The following NETO2 variants were observed in gnomAD, a reference collection of about 807,000 sequenced individuals.
NETO2 encodes the protein neuropilin and tolloid-like protein 2.
In NETO2, 28 loss-of-function variants were observed where a neutral mutation model predicts 62.5. The ratio of observed to expected loss-of-function variants is 0.45; its 90% CI spans 0.33 to 0.61. The LOEUF (loss-of-function observed/expected upper bound fraction) is 0.61, where lower values mean the gene tolerates loss of function less well. Among genes scored for constraint, NETO2 ranks in the 20% least tolerant of loss-of-function variants. NETO2 has a pLI of 0.02. For missense variants in NETO2, 548 were observed against 643.2 expected (o/e 0.85, Z 1.60); for synonymous variants, 214 against 219.1 (o/e 0.98, Z 0.21).
At chr16:47,132,091 A>C (rs1964277687) in intron 1 of NETO2, 66 bp from the exon 2 acceptor site, 3 of 1,210,282 alleles carry the variant, frequency 2.5e-6, no homozygotes, top group Non-Finnish European at 3.6e-6. Flanking sequence ...TAAGTCAATA[A>C]ATAAAATTGG....
At chr16:47,108,220 G>A (rs966399251) in intron 7 of NETO2, among the ~76,000 whole-genome samples, 4 of 152,056 alleles carry the variant, frequency 2.6e-5, no homozygotes, top group Non-Finnish European at 5.9e-5. Flanking sequence ...GTATACAGAA[G>A]GTATGATGGA....
chr16:47,089,838 T>C (rs1250895569), intron 7 of NETO2, among the ~76,000 whole-genome samples: 1 of 152,210 alleles, frequency 6.6e-6, no homozygotes, highest in Non-Finnish European at 1.5e-5. Flanking sequence ...GAGAAACATA[T>C]AGCATTTTTG....
intron 7 of NETO2, among the ~76,000 whole-genome samples, chr16:47,101,299 G>A (rs1250312814): frequency 6.6e-6 from 1 of 151,942 alleles, no homozygotes; most frequent in Non-Finnish European, 1.5e-5. Context: ...ATAATTAGAG[G>A]GATTTATGAC....
chr16:47,127,826 G>A (rs759325406), intron 4 of NETO2, among the ~76,000 whole-genome samples: 9 of 152,192 alleles, frequency 5.9e-5, no homozygotes, highest in Non-Finnish European at 1.0e-4. Flanking sequence ...TCGTCTTACA[G>A]CTATTAGGAG....
chr16:47,129,932 G>A (rs1245991753), intron 2 of NETO2, among the ~76,000 whole-genome samples: 1 of 152,188 alleles, frequency 6.6e-6, no homozygotes, highest in African/African-American at 2.4e-5. Flanking sequence ...GGGGTTGGGG[G>A]TGGTGAGTGA....
At chr16:47,112,461 AG>A (rs1306218013) in intron 6 of NETO2, among the ~76,000 whole-genome samples, 1 of 151,900 alleles carries the variant, frequency 6.6e-6, no homozygotes, top group Non-Finnish European at 1.5e-5. Flanking sequence ...CCAATTCAAG[AG>A]ATTCTTGTGC....
chr16:47,129,193 A>G lies in NETO2; in HGVS notation c.232+31T>C, dbSNP rs745654084. The G allele has an allele frequency of 3.1e-6, 5 of 1,604,312 alleles. 1 individual carries two copies. The South Asian group carries it at 5.5e-5, about 18-fold the overall frequency. On this transcript the variant is annotated intron_variant, in intron 3 of 8. Coordinates refer to ENST00000562435, the MANE Select transcript of NETO2 (RefSeq NM_018092.5). The stretch of plus-strand genomic sequence containing the variant: ...TATTTAGTTTTACAATAAAGTAAAA[A>G]TTCATCCAATAAAAGAAATCGTTCA...
chr16:47,080,988 A>G lies in NETO2; in HGVS notation c.*2233T>C, dbSNP rs879508364. 1.4e-5 allele frequency: 2 copies of G among 146,872 alleles called. No individual in the cohort carries two copies. The highest frequency in any genetic ancestry group is 2.9e-5 in the Non-Finnish European group (2 of 67,884). The allele number at this position is 146,872 out of a possible 1,614,324, so 9.1% of individuals were successfully genotyped here. ...TGTTACTTGCTACATTGACTCGTAT[A>G]AAACTGTGTACTTCTATTTTACTGT... On this transcript the variant is annotated 3_prime_UTR_variant, in exon 9 of 9. Coordinates refer to ENST00000562435, the MANE Select transcript of NETO2 (RefSeq NM_018092.5).
At chr16:47,143,038 T>C (rs1475585945) in intron 1 of NETO2, among the ~76,000 whole-genome samples, 4 of 151,920 alleles carry the variant, frequency 2.6e-5, no homozygotes, top group African/African-American at 9.6e-5. Flanking sequence ...GCAGCCTCCG[T>C]GGCCGCAGCA....
Position 47,099,867 on chromosome 16 carries a change from C to T in NETO2, c.883+9616G>A, listed in dbSNP as rs1047745717. ...ACTCCCACACAATAATAGTGAAAGA[C>T]TTTAACAACTCATTGTCAATATTAG... is the stretch of plus-strand genomic sequence containing the variant. On this transcript the variant is annotated intron_variant, in intron 7 of 8. Coordinates refer to ENST00000562435, the MANE Select transcript of NETO2 (RefSeq NM_018092.5). 7.9e-5 allele frequency among the ~76,000 whole-genome samples: 12 copies of T among 152,244 alleles called. No homozygotes were observed. The East Asian group carries it at 2.3e-3, about 29-fold the overall frequency.
chr16:47,090,713 A>G (rs1963294170), intron 7 of NETO2, among the ~76,000 whole-genome samples: 1 of 152,212 alleles, frequency 6.6e-6, no homozygotes, highest in African/African-American at 2.4e-5. Flanking sequence ...TATTCTAACA[A>G]AAATATCTGC....
Position 47,082,935 on chromosome 16 carries a change from C to T in NETO2, c.*286G>A, listed in dbSNP as rs11554121. On this transcript the variant is annotated 3_prime_UTR_variant, in exon 9 of 9. Transcript: ENST00000562435. ...CGAAGAGGCAGCCTGAGCCTGGCTC[C>T]ATCCAACCACCTCTTCTAATGCTCT... The T allele has an allele frequency of 1.3e-5, 4 of 311,022 alleles. No homozygotes were observed. In the East Asian group the frequency reaches 2.2e-4, roughly 17 times the overall value. The allele number at this position is 311,022 out of a possible 1,614,324, so 19.3% of individuals were successfully genotyped here.
Position 47,080,926 on chromosome 16 carries a change from G to C in NETO2, c.*2295C>G, listed in dbSNP as rs1381070847. 1.3e-5 allele frequency: 2 copies of C among 152,136 alleles called. No homozygotes were observed. Among genetic ancestry groups the C allele is most frequent in the South Asian group, 2.1e-4 (1 of 4,836 alleles). The allele number at this position is 152,136 out of a possible 1,614,324, so 9.4% of individuals were successfully genotyped here. On this transcript the variant is annotated 3_prime_UTR_variant, in exon 9 of 9. Coordinates refer to ENST00000562435, the MANE Select transcript of NETO2 (RefSeq NM_018092.5). ...ACTGTGAAAAGCAAAAAGTGTTTTA[G>C]CAGCCAGAAAATTCAGAACCAAACT...
At position 47,129,205 on chromosome 16, in the gene NETO2, A is replaced by G. The variant is rs775544626; in HGVS notation, c.232+19T>C. On this transcript the variant is annotated intron_variant, in intron 3 of 8. Transcript: ENST00000562435. ...CAATAAAGTAAAAATTCATCCAATA[A>G]AAGAAATCGTTCAAATACCTTCCAA... 2 of 1,610,084 alleles carry G rather than the reference A, an allele frequency of 1.2e-6. No homozygotes were observed. Among genetic ancestry groups the G allele is most frequent in the African/African-American group, 2.7e-5 (2 of 74,836 alleles).
At chr16:47,119,394 G>T (rs1460475359) in intron 6 of NETO2, among the ~76,000 whole-genome samples, 1 of 151,858 alleles carries the variant, frequency 6.6e-6, no homozygotes, top group East Asian at 1.9e-4. Flanking sequence ...CTCGTGATCT[G>T]CCTGCCTCGG....
chr16:47,109,945 G>A (rs1308248109), intron 6 of NETO2, among the ~76,000 whole-genome samples: 2 of 152,116 alleles, frequency 1.3e-5, no homozygotes, highest in Non-Finnish European at 2.9e-5. Flanking sequence ...TGTCTATAAA[G>A]AGTAGAAACT....
chr16:47,122,442 T>G (rs1288095322), intron 6 of NETO2, among the ~76,000 whole-genome samples: 1 of 152,216 alleles, frequency 6.6e-6, no homozygotes, highest in Admixed American at 6.5e-5. Context: ...TATGTAATAT[T>G]CCTGAAGAAT....
rs1264328579 is a variant in NETO2, at chr16:47,129,264, G to C, written c.192C>G (p.Asp64Glu). 3 of 1,613,910 alleles carry C rather than the reference G, an allele frequency of 1.9e-6. No individual in the cohort carries two copies. In the African/African-American group the frequency reaches 4.0e-5, roughly 22 times the overall value. Residue 64 changes from aspartate (D) to glutamate (E), a missense_variant, in exon 3 of 9, where the codon GAC becomes GAG. Transcript: ENST00000562435. ...GGHFASPNYP[D>E]SYPPNKECIY... is the part of the protein sequence containing the mutation. ...TACACTCCTTGTTTGGTGGATATGA[G>C]TCAGGATAATTTGGCGAAGCAAAAT...
intron 4 of NETO2, among the ~76,000 whole-genome samples, chr16:47,127,150 G>T (rs550380795): frequency 6.6e-6 from 1 of 152,282 alleles, no homozygotes; most frequent in Non-Finnish European, 1.5e-5. Context: ...TTTCTTGCAC[G>T]AAAAATAAAA....
Sources: gnomAD v4.1 joint callset for allele counts (sites outside exome capture counted in the v4.1 genomes callset) on GRCh38, gnomAD v4.1.1 for gene constraint, MANE v1.5 for transcripts, NCBI Gene and HGNC (gene_info 2026-07-23, HGNC 2026-07-21) for gene names.